The following GPM6B variants were observed in gnomAD, a reference collection of about 807,000 sequenced individuals.
The protein encoded by GPM6B is neuronal membrane glycoprotein M6-b.
A neutral mutation model predicts 27.2 loss-of-function variants in GPM6B; 4 were observed. The ratio of observed to expected loss-of-function variants is 0.15; its 90% confidence interval spans 0.07 to 0.34. The LOEUF is 0.34. Ranked by LOEUF, GPM6B falls within the 10% of genes least tolerant of loss-of-function variation. GPM6B has a pLI of 1.00. For synonymous variants in GPM6B, 124 were observed against 103.1 expected, an observed-to-expected ratio of 1.20 and a Z score of -1.23; for missense variants, 183 against 261.9, an observed-to-expected ratio of 0.70 and a Z score of 2.08.
At chrX:13,831,195 C>T (rs896433286) in intron 1 of GPM6B, among the ~76,000 whole-genome samples, 29 of 106,853 alleles carry the variant, frequency 2.7e-4, no homozygotes, top group African/African-American at 9.5e-4. Flanking sequence ...CACACACACA[C>T]ACACACACAC....
At position 13,804,821 on chromosome X, in the gene GPM6B, A is replaced by C. The variant is rs2048993232; in HGVS notation, c.181+2829T>G. ...ATTAATAAAAAAAAAAAGAAAAAAA[A>C]AAGAGCCATACAGAATTCCCTATTT... On this transcript the variant is annotated intron_variant, in intron 2 of 7. Coordinates refer to ENST00000316715, the MANE Select transcript of GPM6B (RefSeq NM_001001995.3). Among the ~76,000 whole-genome samples, 3 of 109,696 alleles carry C rather than the reference A, an allele frequency of 2.7e-5. 1 individual carries two copies. The South Asian group carries it at 1.2e-3, about 44-fold the overall frequency.
chrX:13,773,260 A>G, intron 7 of GPM6B: 1 of 283,317 alleles, frequency 3.5e-6, no homozygotes, highest in Non-Finnish European at 6.2e-6. Context: ...CTGGAAAAAA[A>G]TGGCCAAAGG....
At chrX:13,830,959 TG>T (rs1431326579) in intron 1 of GPM6B, among the ~76,000 whole-genome samples, 2 of 110,664 alleles carry the variant, frequency 1.8e-5, no homozygotes, top group African/African-American at 6.6e-5. Flanking sequence ...GGGGTCGCTG[TG>T]GCCATGTGGT....
chrX:13,825,037 GTA>G (rs939128168), intron 1 of GPM6B, among the ~76,000 whole-genome samples: 3 of 111,754 alleles, frequency 2.7e-5, no homozygotes, highest in Non-Finnish European at 5.6e-5. Context: ...CTCTGTGTGT[GTA>G]TGTCTGTGTC....
chrX:13,771,420 T>A lies in GPM6B; in HGVS notation c.*1461A>T, dbSNP rs768855689. 19 of 111,763 alleles carry A rather than the reference T, an allele frequency of 1.7e-4. No homozygotes were observed. In the Admixed American group the frequency reaches 1.8e-3, roughly 11 times the overall value. The allele number at this position is 111,763 out of a possible 1,213,427, so 9.2% of individuals were successfully genotyped here. A position where few individuals can be genotyped will look rare whatever the true frequency, so the allele number is the denominator to read the frequency against. On this transcript the variant is annotated 3_prime_UTR_variant, in exon 8 of 8. Transcript: ENST00000316715. ...AAAAAAAATCCCAAATAGGCATTTT[T>A]AGGCATTAACCAAAAAAGAGAATCC...
At chrX:13,811,007 C>T (rs1309404210) in intron 1 of GPM6B, among the ~76,000 whole-genome samples, 2 of 112,517 alleles carry the variant, frequency 1.8e-5, no homozygotes, top group African/African-American at 6.5e-5. Context: ...AGGATCCCAA[C>T]ACCTAAAAGG....
At chrX:13,876,744 A>C (rs2050037237) in intron 1 of GPM6B, among the ~76,000 whole-genome samples, 1 of 109,932 alleles carries the variant, frequency 9.1e-6, no homozygotes, top group Admixed American at 9.7e-5. Flanking sequence ...TGGGGACAGC[A>C]GACAAGAGAA....
At chrX:13,846,634 G>A (rs1485828400) in intron 1 of GPM6B, among the ~76,000 whole-genome samples, 1 of 108,750 alleles carries the variant, frequency 9.2e-6, no homozygotes, top group Non-Finnish European at 1.9e-5. Flanking sequence ...GGTACTACAG[G>A]CGCCCGCCAC....
At chrX:13,919,099 C>T (rs892610493) in intron 1 of GPM6B, among the ~76,000 whole-genome samples, 2 of 111,913 alleles carry the variant, frequency 1.8e-5, no homozygotes, top group Non-Finnish European at 3.8e-5. Flanking sequence ...CAACAGACAT[C>T]ACAAAGCGGG....
intron 1 of GPM6B, chrX:13,889,453 T>G (rs2050168780): frequency 8.9e-6 from 1 of 111,768 alleles, no homozygotes; most frequent in Non-Finnish European, 1.9e-5. Context: ...GGTTCTTACC[T>G]TCATGAAGCT....
At chrX:13,850,896 G>A (rs768084247) in intron 1 of GPM6B, among the ~76,000 whole-genome samples, 4 of 111,180 alleles carry the variant, frequency 3.6e-5, no homozygotes, top group East Asian at 2.8e-4. Context: ...AGGCATGGGG[G>A]CTCGTGCCTG....
chrX:13,846,599 C>T (rs1290074331), intron 1 of GPM6B, among the ~76,000 whole-genome samples: 1 of 109,280 alleles, frequency 9.2e-6, no homozygotes, highest in Non-Finnish European at 1.9e-5. Flanking sequence ...CACGCCATTC[C>T]CCTGCCTCAG....
chrX:13,847,874 TAAAG>T (rs1013558698), intron 1 of GPM6B, among the ~76,000 whole-genome samples: 1 of 111,826 alleles, frequency 8.9e-6, no homozygotes, highest in Admixed American at 9.5e-5. Context: ...CTTGAGAACA[TAAAG>T]AAATTTAAAG....
At chrX:13,849,199 A>G (rs2049685234) in intron 1 of GPM6B, among the ~76,000 whole-genome samples, 1 of 112,970 alleles carries the variant, frequency 8.9e-6, no homozygotes, top group African/African-American at 3.2e-5. Context: ...TAAGCATAGT[A>G]ATCCACATCA....
At chrX:13,810,719 T>C (rs1010216691) in intron 1 of GPM6B, among the ~76,000 whole-genome samples, 1 of 98,650 alleles carries the variant, frequency 1.0e-5, no homozygotes, top group Non-Finnish European at 2.0e-5. Context: ...ATGGCAGCCA[T>C]GCCTAAGACC....
At position 13,861,064 on chromosome X, in the gene GPM6B, A is replaced by G. The variant is rs147786205; in HGVS notation, c.-197-75256T>C. Reference sequence around the variant, plus strand: ...CACACATATATACATATATATACACATACATATATATACATATACACACAT... The same window carrying G: ...CACACATATATACATATATATACACGTACATATATATACATATACACACAT... On this transcript the variant is annotated intron_variant, in intron 1 of 6. Coordinates refer to the GPM6B transcript ENST00000398361. Among the ~76,000 whole-genome samples, 372 of 107,638 alleles carry G rather than the reference A, an allele frequency of 3.5e-3. 2 individuals carry two copies. The highest frequency in any genetic ancestry group is 3.8e-3 in the Non-Finnish European group (198 of 52,578). The allele number at this position is 107,638 out of a possible 115,157, so 93.5% of individuals were successfully genotyped here.
At chrX:13,904,890 T>C (rs1183614836) in intron 1 of GPM6B, among the ~76,000 whole-genome samples, 2 of 110,609 alleles carry the variant, frequency 1.8e-5, no homozygotes, top group African/African-American at 3.3e-5. Context: ...GGGATCAAGA[T>C]AGAGTGAGGC....
chrX:13,895,928 G>C (rs959612388), intron 1 of GPM6B, among the ~76,000 whole-genome samples: 1 of 107,374 alleles, frequency 9.3e-6, no homozygotes, highest in Non-Finnish European at 1.9e-5. Flanking sequence ...AGGACCACTT[G>C]AGCCCAGGAG....
intron 1 of GPM6B, among the ~76,000 whole-genome samples, chrX:13,859,944 G>A (rs2049824164): frequency 8.9e-6 from 1 of 111,972 alleles, no homozygotes. Context: ...ATGCCTGTCA[G>A]TTGCATCATT....
Sources: allele counts gnomAD v4.1 joint callset (sites outside exome capture counted in the v4.1 genomes callset), GRCh38; gene constraint gnomAD v4.1.1; transcripts MANE v1.5; gene names NCBI Gene and HGNC (gene_info 2026-07-23, HGNC 2026-07-21).